TSPEAR: variants seen among roughly 807,000 people sequenced by gnomAD.
The protein encoded by TSPEAR is thrombospondin type laminin G domain and EAR repeats.
Under a neutral mutation model 71.6 loss-of-function variants are expected in TSPEAR, and 69 were observed. The observed-to-expected ratio is 0.96, with a 90% CI of 0.79 to 1.18. TSPEAR has a LOEUF of 1.18. Ranked by LOEUF, TSPEAR falls within the 50% of genes most tolerant of loss-of-function variation. The pLI is 0.00. For missense variants in TSPEAR, 971 were observed against 894.9 expected (o/e 1.09, Z -1.09); for synonymous variants, 402 against 387.2 (o/e 1.04, Z -0.45).
intron 1 of TSPEAR, among the ~76,000 whole-genome samples, chr21:44,709,477 C>T (rs534845072): frequency 6.6e-6 from 1 of 152,324 alleles, no homozygotes; most frequent in Non-Finnish European, 1.5e-5. Context: ...TCCTAGAAAG[C>T]GAGAGACGAG....
In TSPEAR at chr21:44,525,789, G is replaced by T; in HGVS notation, c.1200C>A (p.Phe400Leu). Residue 400 changes from phenylalanine to leucine, a missense_variant, in exon 8 of 12, where the codon TTC (phenylalanine) becomes TTA (leucine). By Grantham distance (22) the Phe-to-Leu change is conservative. Coordinates refer to ENST00000323084, the MANE Select transcript of TSPEAR (RefSeq NM_144991.3). ...NFEPDEKGQE[F>L]SVIYKWSHRK... The stretch of plus-strand genomic sequence containing the variant: ...TGTGGCTCCATTTGTAAATGACAGA[G>T]AACTCCTGACCCTTCTCATCTGGTT... 6.2e-7 allele frequency: 1 copy of T among 1,614,180 alleles called. No individual in the cohort carries two copies. Among genetic ancestry groups the T allele is most frequent in the African/African-American group, 1.3e-5 (1 of 75,032 alleles).
chr21:44,547,624 T>C (rs782106871), intron 2 of TSPEAR, among the ~76,000 whole-genome samples: 11 of 152,234 alleles, frequency 7.2e-5, no homozygotes, highest in Admixed American at 2.0e-4. Context: ...TCTATTAGCT[T>C]GGTGCTAAGA....
At chr21:44,674,332 G>T (rs1327550826) in intron 1 of TSPEAR, among the ~76,000 whole-genome samples, 3 of 151,852 alleles carry the variant, frequency 2.0e-5, no homozygotes, top group Non-Finnish European at 4.4e-5. Context: ...TAAACAGCTA[G>T]CTAGGCTAAC....
At chr21:44,572,280 G>T in intron 1 of TSPEAR, among the ~76,000 whole-genome samples, 1 of 152,184 alleles carries the variant, frequency 6.6e-6, no homozygotes, top group Non-Finnish European at 1.5e-5. Context: ...GCCATGTGGG[G>T]TCCTGAGCAG....
At chr21:44,703,052 C>T (rs1212720540) in intron 1 of TSPEAR, among the ~76,000 whole-genome samples, 2 of 151,962 alleles carry the variant, frequency 1.3e-5, no homozygotes, top group East Asian at 3.9e-4. Flanking sequence ...CCCATAGCCA[C>T]AGGAGGTCCC....
chr21:44,618,885 C>A (rs1300731581), intron 1 of TSPEAR, among the ~76,000 whole-genome samples: 1 of 152,090 alleles, frequency 6.6e-6, no homozygotes, highest in African/African-American at 2.4e-5. Context: ...CACTGGACAC[C>A]CCTAAAAAGC....
intron 2 of TSPEAR, chr21:44,539,394 C>T (rs1555916814): frequency 6.2e-7 from 1 of 1,601,412 alleles, no homozygotes; most frequent in South Asian, 1.1e-5. Context: ...GAGGCAGGGG[C>T]ACAGCAGGAG....
chr21:44,613,453 C>T (rs193047472), intron 1 of TSPEAR, among the ~76,000 whole-genome samples: 56 of 152,284 alleles, frequency 3.7e-4, no homozygotes, highest in African/African-American at 1.0e-3. Flanking sequence ...CTGTGGGGCT[C>T]TCCAGGCCCC....
intron 11 of TSPEAR, among the ~76,000 whole-genome samples, chr21:44,502,736 A>G (rs587713324): frequency 4.5e-4 from 69 of 152,342 alleles, no homozygotes; most frequent in Admixed American, 1.4e-3. Flanking sequence ...GGCCCAGCCA[A>G]TCTCGGAAAT....
rs781839182 is a variant in TSPEAR at position 44,521,837 on chromosome 21, G to A, written c.1566+46C>T. On this transcript the variant is annotated intron_variant, in intron 9 of 11. Transcript: ENST00000323084. ...TGTCCAGCAGGTGCAGGTGACAGAC[G>A]CAGTGGCCAGCAATGGAGAGCCGGG... is the stretch of plus-strand genomic sequence containing the variant. 2.6e-5 allele frequency: 40 copies of A among 1,553,142 alleles called. No homozygotes were observed. The Admixed American group carries it at 2.7e-4, about 10-fold the overall frequency.
chr21:44,539,962 C>A (rs782127349), intron 2 of TSPEAR: 2 of 1,613,464 alleles, frequency 1.2e-6, no homozygotes, highest in Non-Finnish European at 1.7e-6. Flanking sequence ...AGGGGCTGGG[C>A]TCACAGGCTG....
Position 44,523,031 on chromosome 21 carries a change from TAGTC to T in TSPEAR, c.1337-923_1337-920del, listed in dbSNP as rs587760145. 1.6e-4 allele frequency among the ~76,000 whole-genome samples: 25 copies of T among 152,214 alleles called. 1 individual carries two copies. In the South Asian group the frequency reaches 3.7e-3, roughly 23 times the overall value. ...TTAGTCACTGAAACAGTTAGTCAAG[TAGTC>T]AGTCAGGTAGTTTGTCAGTCAGCCA... On this transcript the variant is annotated intron_variant, in intron 8 of 11. Transcript: ENST00000323084.
chr21:44,573,704 T>A, intron 1 of TSPEAR: 1 of 1,580,954 alleles, frequency 6.3e-7, no homozygotes, highest in South Asian at 1.2e-5. Flanking sequence ...ACTCACTCGC[T>A]CACCCACTCC....
At chr21:44,528,021 G>A (rs2052891731) in intron 6 of TSPEAR, among the ~76,000 whole-genome samples, 1 of 152,160 alleles carries the variant, frequency 6.6e-6, no homozygotes, top group African/African-American at 2.4e-5. Flanking sequence ...GTGGGCAGAG[G>A]CGGCAGCCGG....
At chr21:44,635,204 G>T (rs1303082316) in intron 1 of TSPEAR, among the ~76,000 whole-genome samples, 2 of 151,916 alleles carry the variant, frequency 1.3e-5, no homozygotes, top group African/African-American at 2.4e-5. Flanking sequence ...AAATTAGCTG[G>T]GTGTGGTGGT....
chr21:44,595,245 C>T (rs587753743), intron 1 of TSPEAR, among the ~76,000 whole-genome samples: 1 of 152,320 alleles, frequency 6.6e-6, no homozygotes, highest in South Asian at 2.1e-4. Flanking sequence ...CTCTGTCTGT[C>T]TGCCTCTTCC....
Position 44,521,976 on chromosome 21 carries a change from C to T in TSPEAR, c.1473G>A (p.Val491=). Residue 491 remains valine, a synonymous_variant, in exon 9 of 12, where the codon GTG becomes GTA. Coordinates refer to ENST00000323084, the MANE Select transcript of TSPEAR (RefSeq NM_144991.3). ...AGGTGCCGTTGAAGGTGTTGGCCACCACCAGGAACGAGTAGGGCCCCACAC... is the reference window on the plus strand; with the variant it reads ...AGGTGCCGTTGAAGGTGTTGGCCACTACCAGGAACGAGTAGGGCCCCACAC... ...FFSVGPYSFL[V]VANTFNGTST... 1.9e-6 allele frequency: 3 copies of T among 1,614,144 alleles called. No individual in the cohort carries two copies. Among genetic ancestry groups the T allele is most frequent in the Non-Finnish European group, 1.7e-6 (2 of 1,180,010 alleles).
intron 1 of TSPEAR, among the ~76,000 whole-genome samples, chr21:44,644,671 A>G (rs1984205086): frequency 6.6e-6 from 1 of 152,236 alleles, no homozygotes; most frequent in Non-Finnish European, 1.5e-5. Flanking sequence ...ACAAGAAAAA[A>G]ACATTTAAAA....
intron 1 of TSPEAR, among the ~76,000 whole-genome samples, chr21:44,652,031 T>TGGAGTGCA (rs1555941535): frequency 2.7e-5 from 4 of 146,016 alleles, no homozygotes. Flanking sequence ...TCGCCCAGGC[T>TGGAGTGCA]GGAGTGCAGT....
Sources: allele counts gnomAD v4.1 joint callset (sites outside exome capture counted in the v4.1 genomes callset), GRCh38; gene constraint gnomAD v4.1.1; transcripts MANE v1.5; gene names NCBI Gene and HGNC (gene_info 2026-07-23, HGNC 2026-07-21).